Variants in POU6F2 observed in about 807,000 individuals in gnomAD.
POU6F2 encodes the protein POU domain, class 6, transcription factor 2.
In POU6F2, 31 loss-of-function variants were observed where a neutral mutation model predicts 71.3. That is an observed-to-expected ratio of 0.43 (90% CI 0.33 to 0.59). The LOEUF (loss-of-function observed/expected upper bound fraction) is 0.59. POU6F2 is among the 20% of genes least tolerant of loss of function. POU6F2 has a pLI of 0.04. For synonymous variants in POU6F2, 347 were observed against 355.7 expected (o/e 0.98, Z 0.27); for missense variants, 783 against 856.8 (o/e 0.91, Z 1.07).
chr7:39,009,365 T>C (rs543917195), intron 1 of POU6F2, among the ~76,000 whole-genome samples: 60 of 152,270 alleles, frequency 3.9e-4, no homozygotes, highest in African/African-American at 1.4e-3. Flanking sequence ...ATTTTGTACA[T>C]TGATTTTGTA....
intron 4 of POU6F2, among the ~76,000 whole-genome samples, chr7:39,305,170 G>A (rs948490518): frequency 7.2e-5 from 11 of 152,170 alleles, no homozygotes; most frequent in Admixed American, 6.5e-5. Context: ...AGGCTCTTTA[G>A]AAACATGATT....
intron 1 of POU6F2, among the ~76,000 whole-genome samples, chr7:38,997,555 T>A (rs1274314115): frequency 1.2e-4 from 18 of 152,210 alleles, no homozygotes; most frequent in Admixed American, 1.2e-3. Flanking sequence ...AGGGGTATTA[T>A]AAGCCTGTGT....
chr7:39,030,115 T>C (rs965819474), intron 1 of POU6F2, among the ~76,000 whole-genome samples: 2 of 152,084 alleles, frequency 1.3e-5, no homozygotes, highest in African/African-American at 4.8e-5. Flanking sequence ...TTTGAAAGTT[T>C]CACTTGTAGA....
intron 1 of POU6F2, among the ~76,000 whole-genome samples, chr7:38,996,908 T>C (rs1476220645): frequency 6.6e-6 from 1 of 152,210 alleles, no homozygotes; most frequent in Non-Finnish European, 1.5e-5. Flanking sequence ...GGAATCTACC[T>C]GGGTTGAAAA....
At chr7:39,409,851 G>A (rs1391621422) in intron 6 of POU6F2, among the ~76,000 whole-genome samples, 1 of 152,204 alleles carries the variant, frequency 6.6e-6, no homozygotes, top group African/African-American at 2.4e-5. Flanking sequence ...TAAATTTAAA[G>A]AGATAGGAAA....
chr7:39,085,396 G>T (rs187456668), intron 1 of POU6F2, among the ~76,000 whole-genome samples: 1 of 151,978 alleles, frequency 6.6e-6, no homozygotes, highest in African/African-American at 2.4e-5. Flanking sequence ...CGGGGAGAAG[G>T]CTTCTTAAAA....
At chr7:39,066,895 T>C (rs1178947814) in intron 1 of POU6F2, among the ~76,000 whole-genome samples, 1 of 147,932 alleles carries the variant, frequency 6.8e-6, no homozygotes, top group Non-Finnish European at 1.5e-5. Context: ...TAGTGTATTA[T>C]ATAATATATA....
chr7:39,176,221 T>C (rs2128740251), intron 2 of POU6F2, among the ~76,000 whole-genome samples: 1 of 152,230 alleles, frequency 6.6e-6, no homozygotes, highest in South Asian at 2.1e-4. Flanking sequence ...GGAGCATCTC[T>C]CAGCATTTCA....
At position 39,433,082 on chromosome 7, in the gene POU6F2, C is replaced by T. The variant is rs2302124; in HGVS notation, c.1119C>T (p.Ile373=). The T allele has an allele frequency of 0.028, 44,595 of 1,612,876 alleles. 2,756 individuals are homozygous for T. The East Asian group carries it at 0.28, about 10-fold the overall frequency. Residue 373 remains isoleucine, a synonymous_variant, in exon 7 of 10, where the codon ATC becomes ATT. Coordinates refer to ENST00000518318, the MANE Select transcript of POU6F2 (RefSeq NM_001370959.1). ...QLVTNAQGQI[I]GTIPLMPNPG... ...CCTTTGGCCCTCTCTTGCAGATTAT[C>T]GGGACCATTCCACTGATGCCTAATC...
intron 1 of POU6F2, among the ~76,000 whole-genome samples, chr7:39,015,998 AG>A (rs1789517035): frequency 1.5e-4 from 5 of 34,088 alleles, no homozygotes; most frequent in African/African-American, 2.0e-4. Flanking sequence ...TATAATATAT[AG>A]ATATATATTA....
intron 5 of POU6F2, among the ~76,000 whole-genome samples, chr7:39,344,692 T>A (rs1279553759): frequency 6.6e-6 from 1 of 152,048 alleles, no homozygotes; most frequent in Non-Finnish European, 1.5e-5. Context: ...ACCACAATAT[T>A]ACTCAAGGCT....
chr7:39,190,913 G>A (rs1793651152), intron 2 of POU6F2, among the ~76,000 whole-genome samples: 1 of 152,050 alleles, frequency 6.6e-6, no homozygotes, highest in African/African-American at 2.4e-5. Flanking sequence ...GGGATTACAG[G>A]CATGAACCAC....
intron 4 of POU6F2, among the ~76,000 whole-genome samples, chr7:39,282,564 G>A (rs1290357424): frequency 6.6e-6 from 1 of 151,922 alleles, no homozygotes; most frequent in African/African-American, 2.4e-5. Flanking sequence ...TGTGTTCTTG[G>A]CACCTTTATC....
chr7:39,195,159 G>A (rs1403521242), intron 2 of POU6F2, among the ~76,000 whole-genome samples: 1 of 152,186 alleles, frequency 6.6e-6, no homozygotes, highest in African/African-American at 2.4e-5. Context: ...AATTATTAAT[G>A]TTCTCATTTA....
intron 4 of POU6F2, among the ~76,000 whole-genome samples, chr7:39,220,256 A>G (rs1794321783): frequency 6.6e-6 from 1 of 152,214 alleles, no homozygotes; most frequent in African/African-American, 2.4e-5. Flanking sequence ...GAAAGAATAG[A>G]AATAGGAGTT....
At chr7:39,435,159 T>C (rs573415532) in intron 7 of POU6F2, among the ~76,000 whole-genome samples, 1 of 152,306 alleles carries the variant, frequency 6.6e-6, no homozygotes, top group South Asian at 2.1e-4. Context: ...AGTAATGGGA[T>C]TGCGGGGTCA....
chr7:39,127,825 A>G (rs1370700869), intron 2 of POU6F2, among the ~76,000 whole-genome samples: 1 of 151,298 alleles, frequency 6.6e-6, no homozygotes, highest in Non-Finnish European at 1.5e-5. Context: ...GTAAGATGAA[A>G]AGCCAGTGGA....
At chr7:39,369,595 C>T (rs990613319) in intron 5 of POU6F2, among the ~76,000 whole-genome samples, 1 of 152,068 alleles carries the variant, frequency 6.6e-6, no homozygotes, top group African/African-American at 2.4e-5. Flanking sequence ...AACTCCTGAC[C>T]TCAGGGGATC....
At chr7:39,262,657 G>A (rs1784159082) in intron 4 of POU6F2, among the ~76,000 whole-genome samples, 1 of 152,160 alleles carries the variant, frequency 6.6e-6, no homozygotes, top group Non-Finnish European at 1.5e-5. Flanking sequence ...TTCAAAATGA[G>A]TAGAATTGCC....
Sources: gnomAD v4.1 joint callset for allele counts (sites outside exome capture counted in the v4.1 genomes callset) on GRCh38, gnomAD v4.1.1 for gene constraint, MANE v1.5 for transcripts, NCBI Gene and HGNC (gene_info 2026-07-23, HGNC 2026-07-21) for gene names.